The following KLHL3 variants were observed in gnomAD, a reference collection of about 807,000 sequenced individuals.
The protein encoded by KLHL3 is kelch-like protein 3.
In KLHL3, 19 loss-of-function variants were observed where a neutral mutation model predicts 70.5. That is an observed-to-expected ratio of 0.27 (90% CI 0.19 to 0.40). The LOEUF is 0.40. Ranked by LOEUF, KLHL3 falls within the 10% of genes least tolerant of loss-of-function variation. The probability of loss-of-function intolerance (pLI) is 1.00; values close to 1 mark genes in which losing one functional copy is unlikely to be tolerated. For missense variants in KLHL3, 512 were observed against 771.1 expected, an observed-to-expected ratio of 0.66 and a Z score of 3.98; for synonymous variants, 258 against 290.3, an observed-to-expected ratio of 0.89 and a Z score of 1.13.
At chr5:137,719,281 T>G (rs999426781) in intron 2 of KLHL3, among the ~76,000 whole-genome samples, 1 of 152,266 alleles carries the variant, frequency 6.6e-6, no homozygotes, top group African/African-American at 2.4e-5. Context: ...TGTACCCCAA[T>G]GACCCATTCC....
At chr5:137,650,320 C>A (rs1301295509) in intron 8 of KLHL3, among the ~76,000 whole-genome samples, 1 of 152,176 alleles carries the variant, frequency 6.6e-6, no homozygotes, top group Non-Finnish European at 1.5e-5. Flanking sequence ...CCTCTCTGTG[C>A]TCCCAGAGTG....
At chr5:137,657,354 C>A (rs180682544) in intron 8 of KLHL3, among the ~76,000 whole-genome samples, 1 of 152,174 alleles carries the variant, frequency 6.6e-6, no homozygotes, top group African/African-American at 2.4e-5. Context: ...TTCCTTCCCC[C>A]AGACATCAGC....
In KLHL3 at chr5:137,676,112, A is replaced by G. The variant is rs1387610024; in HGVS notation, c.636+1433T>C. ...CAAGGCCTCCCTGAGCCTAAGGGAG[A>G]GTCCAGTATATTGTGCCAGTCACCT... On this transcript the variant is annotated intron_variant, in intron 6 of 14. Transcript: ENST00000309755. Among the ~76,000 whole-genome samples, 3 of 152,310 alleles carry G rather than the reference A, an allele frequency of 2.0e-5. No homozygotes were observed. The East Asian group carries it at 5.8e-4, about 29-fold the overall frequency.
chr5:137,626,590 G>A (rs550810011), intron 13 of KLHL3, among the ~76,000 whole-genome samples: 62 of 152,304 alleles, frequency 4.1e-4, no homozygotes, highest in South Asian at 2.5e-3. Flanking sequence ...AGGGATTGGT[G>A]ATACTCTAAA....
intron 6 of KLHL3, among the ~76,000 whole-genome samples, chr5:137,670,536 C>T (rs910262761): frequency 4.0e-5 from 6 of 151,532 alleles, no homozygotes; most frequent in African/African-American, 1.5e-4. Context: ...ACTGTATCCT[C>T]AAATATCCCT....
At chr5:137,718,701 T>A (rs752782481) in intron 2 of KLHL3, among the ~76,000 whole-genome samples, 3 of 152,144 alleles carry the variant, frequency 2.0e-5, no homozygotes, top group Non-Finnish European at 4.4e-5. Context: ...AATGAGGAAT[T>A]TCAATAGTGT....
At chr5:137,723,771 G>A (rs142222661) in intron 1 of KLHL3, among the ~76,000 whole-genome samples, 1 of 152,286 alleles carries the variant, frequency 6.6e-6, no homozygotes, top group East Asian at 1.9e-4. Context: ...AAACAGAAAG[G>A]ATGCTAATGA....
chr5:137,684,032 T>C (rs7719335), intron 5 of KLHL3, among the ~76,000 whole-genome samples: 1,918 of 152,120 alleles, frequency 0.013, 44 homozygotes, highest in African/African-American at 0.043. Context: ...TCATAGAAAA[T>C]AGGCTAGGCT....
intron 14 of KLHL3, 61 bp from the exon 15 acceptor site, chr5:137,622,187 G>C (rs544011686): frequency 6.4e-6 from 10 of 1,560,760 alleles, no homozygotes; most frequent in Non-Finnish European, 8.8e-6. Context: ...CAGAGTCCCA[G>C]TGAGTTCATG....
chr5:137,628,256 C>T (rs372886408), intron 13 of KLHL3, 41 bp downstream of exon 13: 27 of 1,610,394 alleles, frequency 1.7e-5, no homozygotes, highest in Non-Finnish European at 2.3e-5. Flanking sequence ...GGAGAAAAGG[C>T]ACACAACCCC....
intron 4 of KLHL3, 35 bp from the exon 5 acceptor site, chr5:137,692,482 C>T: frequency 6.8e-6 from 11 of 1,608,944 alleles, no homozygotes; most frequent in Non-Finnish European, 9.4e-6. Context: ...GATATTGGAT[C>T]CCACTGGCAG....
intron 2 of KLHL3, among the ~76,000 whole-genome samples, chr5:137,714,009 A>G (rs934232486): frequency 2.0e-5 from 3 of 150,128 alleles, no homozygotes; most frequent in African/African-American, 7.3e-5. Flanking sequence ...ATATCTCCTA[A>G]TGCTATCCCT....
intron 5 of KLHL3, among the ~76,000 whole-genome samples, chr5:137,682,985 C>T (rs938285869): frequency 3.9e-5 from 6 of 152,006 alleles, no homozygotes; most frequent in Non-Finnish European, 8.8e-5. Context: ...ACTTCCTTGA[C>T]TTTGCGGGGA....
rs1245009421 is a variant in KLHL3 at position 137,617,558 on chromosome 5, TTAAAA to T, written c.*4535_*4539del. 6.6e-6 allele frequency: 1 copy of T among 152,238 alleles called. No individual in the cohort carries two copies. Among genetic ancestry groups the T allele is most frequent in the East Asian group, 1.9e-4 (1 of 5,196 alleles). 9.4% of individuals were successfully genotyped at this position (152,238 alleles called of 1,614,324 possible). On this transcript the variant is annotated 3_prime_UTR_variant, in exon 15 of 15. Coordinates refer to ENST00000309755, the MANE Select transcript of KLHL3 (RefSeq NM_017415.3). ...ATGGGAAATTAGAACATGATTCCTG[TTAAAA>T]TAATACATTTGAGGAAATGTTTCTT...
intron 1 of KLHL3, among the ~76,000 whole-genome samples, chr5:137,723,506 T>C (rs1009048228): frequency 6.6e-6 from 1 of 152,236 alleles, no homozygotes; most frequent in Admixed American, 6.5e-5. Context: ...TCTTTTGTAA[T>C]AGAAATGATG....
At chr5:137,645,357 A>G (rs1751017566) in intron 8 of KLHL3, among the ~76,000 whole-genome samples, 1 of 152,232 alleles carries the variant, frequency 6.6e-6, no homozygotes, top group Non-Finnish European at 1.5e-5. Context: ...TCAAATTGAA[A>G]GGAGAAAGTC....
intron 5 of KLHL3, among the ~76,000 whole-genome samples, chr5:137,680,332 G>T (rs1245855742): frequency 6.6e-6 from 1 of 152,126 alleles, no homozygotes; most frequent in Non-Finnish European, 1.5e-5. Context: ...CTTCTTCCCA[G>T]GCTTCGCCAT....
chr5:137,734,129 G>A (rs1055072450), intron 1 of KLHL3, among the ~76,000 whole-genome samples: 1 of 152,194 alleles, frequency 6.6e-6, no homozygotes, highest in Non-Finnish European at 1.5e-5. Context: ...GCTGCTGGTA[G>A]TCTCACACTG....
At chr5:137,675,959 A>G (rs79000502) in intron 6 of KLHL3, among the ~76,000 whole-genome samples, 1,706 of 152,248 alleles carry the variant, frequency 0.011, 32 homozygotes, top group African/African-American at 0.039. Context: ...ATCCCTTCCA[A>G]TTGTGCCAAT....
Sources: gnomAD v4.1 joint callset for allele counts (sites outside exome capture counted in the v4.1 genomes callset) on GRCh38, gnomAD v4.1.1 for gene constraint, MANE v1.5 for transcripts, NCBI Gene and HGNC (gene_info 2026-07-23, HGNC 2026-07-21) for gene names.